Variants in FBXO34 observed in about 807,000 individuals in gnomAD.
The protein encoded by FBXO34 is F-box protein 34.
FBXO34 carries 12 observed loss-of-function variants against 24.5 expected under a neutral mutation model. That is an observed-to-expected ratio of 0.49 (90% CI 0.31 to 0.79). FBXO34 has a LOEUF of 0.79. Among genes scored for constraint, FBXO34 ranks in the 30% least tolerant of loss-of-function variants. The pLI is 0.04. For synonymous variants in FBXO34, 320 were observed against 311.9 expected, an observed-to-expected ratio of 1.03 and a Z score of -0.27; for missense variants, 823 against 857.7, an observed-to-expected ratio of 0.96 and a Z score of 0.51.
At chr14:55,356,628 T>A (rs867641307), downstream of FBXO34, among the ~76,000 whole-genome samples, 733 of 151,904 alleles carry the variant, frequency 4.8e-3, 8 homozygotes, top group African/African-American at 0.017. Flanking sequence ...ATTTTTTTAT[T>A]TTTTTATTTT....
At chr14:55,372,108 T>A (rs76997592), downstream of FBXO34, among the ~76,000 whole-genome samples, 1 of 152,180 alleles carries the variant, frequency 6.6e-6, no homozygotes, top group South Asian at 2.1e-4. Context: ...TATCCTCTGG[T>A]TACTAAACCC....
At chr14:55,363,949 C>CT (rs201533127), downstream of FBXO34, among the ~76,000 whole-genome samples, 696 of 147,312 alleles carry the variant, frequency 4.7e-3, 7 homozygotes, top group African/African-American at 0.014. Flanking sequence ...TGCCAATTTT[C>CT]TTTTTTTTTT....
chr14:55,316,408 GA>G (rs1335494771), intron 1 of FBXO34, among the ~76,000 whole-genome samples: 21 of 151,194 alleles, frequency 1.4e-4, no homozygotes, highest in Non-Finnish European at 5.9e-5. Context: ...GCAAAATGGT[GA>G]AACCCTGTCT....
intron 1 of FBXO34, among the ~76,000 whole-genome samples, chr14:55,334,215 G>C (rs1239511427): frequency 6.6e-6 from 1 of 152,142 alleles, no homozygotes; most frequent in Non-Finnish European, 1.5e-5. Flanking sequence ...GCGCTAATCA[G>C]GTGGAGCTGC....
chr14:55,391,281 CT>C, the FBXO34 span: 1 of 217,626 alleles, frequency 4.6e-6, no homozygotes, highest in South Asian at 6.9e-5. Flanking sequence ...CAAGACCATC[CT>C]GGCCAACATG....
chr14:55,351,131 A>G lies in FBXO34; in HGVS notation c.741A>G (p.Ala247=), dbSNP rs1385702072. ...RFSGQSRGVP[A]VSESYSAPGA... ...CTGGCCAATCCAGAGGTGTGCCTGC[A>G]GTGTCTGAGTCCTATTCTGCCCCAG... is the stretch of plus-strand genomic sequence containing the variant. The change falls in exon 2 of 2, where the codon GCA becomes GCG. Residue 247 remains alanine, a synonymous_variant. Coordinates refer to ENST00000313833, the MANE Select transcript of FBXO34 (RefSeq NM_017943.4). 1 of 1,614,224 alleles carries G rather than the reference A, an allele frequency of 6.2e-7. No homozygotes were observed. The highest frequency in any genetic ancestry group is 8.5e-7 in the Non-Finnish European group (1 of 1,180,042).
At chr14:55,393,223 A>T in the FBXO34 span, among the ~76,000 whole-genome samples, 603 of 148,010 alleles carry the variant, frequency 4.1e-3, 3 homozygotes, top group African/African-American at 0.01. Flanking sequence ...CTACTAAAAA[A>T]ACACAAAAAA....
intron 1 of FBXO34, among the ~76,000 whole-genome samples, chr14:55,291,424 G>A (rs1405306328): frequency 6.6e-6 from 1 of 152,128 alleles, no homozygotes; most frequent in Non-Finnish European, 1.5e-5. Context: ...TTTTATTTAG[G>A]CCAATTGTAG....
intron 1 of FBXO34, 141 bp downstream of exon 1, chr14:55,271,678 C>A (rs1220409346): frequency 8.0e-5 from 12 of 149,508 alleles, no homozygotes; most frequent in Admixed American, 2.0e-4. Flanking sequence ...GGGGCGGGGG[C>A]GCCGCCCGCG....
the FBXO34 span, among the ~76,000 whole-genome samples, chr14:55,429,859 G>A: frequency 6.6e-6 from 1 of 150,908 alleles, no homozygotes; most frequent in African/African-American, 2.4e-5. Context: ...TAAGATATGT[G>A]CTGATTGAGT....
chr14:55,350,160 T>TAAAAA (rs60811559), intron 1 of FBXO34, among the ~76,000 whole-genome samples: 7 of 139,056 alleles, frequency 5.0e-5, no homozygotes, highest in African/African-American at 1.9e-4. Flanking sequence ...TTATTTTCTG[T>TAAAAA]AAAAAAAAAA....
At chr14:55,362,687 G>C (rs1884608819), downstream of FBXO34, among the ~76,000 whole-genome samples, 1 of 152,160 alleles carries the variant, frequency 6.6e-6, no homozygotes, top group Non-Finnish European at 1.5e-5. Flanking sequence ...TGAAACTGCT[G>C]ATCACAGAAG....
intron 1 of FBXO34, among the ~76,000 whole-genome samples, chr14:55,340,540 C>T (rs1295931498): frequency 6.6e-6 from 1 of 151,828 alleles, no homozygotes; most frequent in Non-Finnish European, 1.5e-5. Flanking sequence ...AGCCACCATG[C>T]CTGGCTGGCT....
chr14:55,388,451 GT>G, the FBXO34 span, among the ~76,000 whole-genome samples: 1 of 152,142 alleles, frequency 6.6e-6, no homozygotes, highest in Non-Finnish European at 1.5e-5. Flanking sequence ...ACATCAAAAT[GT>G]TTGGTGCTGT....
the FBXO34 span, among the ~76,000 whole-genome samples, chr14:55,402,498 G>A: frequency 6.6e-6 from 1 of 152,066 alleles, no homozygotes; most frequent in African/African-American, 2.4e-5. Context: ...AGTCCTAATA[G>A]CAAGAAACTG....
chr14:55,302,439 G>C (rs1439105573), intron 1 of FBXO34, among the ~76,000 whole-genome samples: 2 of 145,610 alleles, frequency 1.4e-5, no homozygotes, highest in Admixed American at 6.8e-5. Flanking sequence ...AAGTGACTCT[G>C]TAGCCTCTTT....
chr14:55,338,813 G>GGA (rs1566562416), intron 1 of FBXO34, among the ~76,000 whole-genome samples: 1 of 152,048 alleles, frequency 6.6e-6, no homozygotes, highest in Non-Finnish European at 1.5e-5. Flanking sequence ...GGCTGAGGCA[G>GGA]GAGAATGGCG....
At chr14:55,363,012 T>C (rs1000371355), downstream of FBXO34, among the ~76,000 whole-genome samples, 1 of 121,816 alleles carries the variant, frequency 8.2e-6, no homozygotes, top group African/African-American at 3.0e-5. Context: ...GGACCCCTTT[T>C]TTCTCTCTCT....
the FBXO34 span, among the ~76,000 whole-genome samples, chr14:55,402,535 C>G: frequency 6.6e-6 from 1 of 151,984 alleles, no homozygotes; most frequent in Non-Finnish European, 1.5e-5. Flanking sequence ...GGGAGAAAGA[C>G]TAAATGATAG....
Sources: allele counts gnomAD v4.1 joint callset (sites outside exome capture counted in the v4.1 genomes callset), GRCh38; gene constraint gnomAD v4.1.1; transcripts MANE v1.5; gene names NCBI Gene and HGNC (gene_info 2026-07-23, HGNC 2026-07-21).